The following MCHR2 variants were observed in gnomAD, a reference collection of about 807,000 sequenced individuals.
The protein encoded by MCHR2 is melanin-concentrating hormone receptor 2.
A neutral mutation model predicts 24.8 loss-of-function variants in MCHR2; 15 were observed. That is an observed-to-expected ratio of 0.60 (90% CI 0.40 to 0.93). The LOEUF (loss-of-function observed/expected upper bound fraction) is 0.93, where lower values mean the gene tolerates loss of function less well. Ranked by LOEUF, MCHR2 falls within the 40% of genes least tolerant of loss-of-function variation. MCHR2 has a pLI of 0.00. For missense variants in MCHR2, 386 were observed against 408.7 expected (o/e 0.94, Z 0.48); for synonymous variants, 151 against 147.6 (o/e 1.02, Z -0.17).
rs935020419 is a variant in MCHR2 at position 99,946,248 on chromosome 6, G to A, written c.392+1514C>T. On this transcript the variant is annotated intron_variant, in intron 3 of 5. Transcript: ENST00000281806. ...AGTCACATTGGCTGGCATTAGCTGA[G>A]CTAACCAGAGCTATGCAGTATATTG... is the stretch of plus-strand genomic sequence containing the variant. Among the ~76,000 whole-genome samples, 11 of 152,212 alleles carry A rather than the reference G, an allele frequency of 7.2e-5. 1 individual carries two copies. The East Asian group carries it at 1.9e-3, about 27-fold the overall frequency.
Position 99,920,880 on chromosome 6 carries a change from T to C in MCHR2, c.*60A>G. On this transcript the variant is annotated 3_prime_UTR_variant, in exon 6 of 6. Transcript: ENST00000281806. ...TAAACATATCGGTACACCTGCCCTT[T>C]CTGATAATACCAGTAAGATAGACAA... 1 of 1,529,386 alleles carries C rather than the reference T, an allele frequency of 6.5e-7. No individual in the cohort carries two copies. Among genetic ancestry groups the C allele is most frequent in the Non-Finnish European group, 8.9e-7 (1 of 1,119,474 alleles). The allele number at this position is 1,529,386 out of a possible 1,614,324, so 94.7% of individuals were successfully genotyped here. A position where few individuals can be genotyped will look rare whatever the true frequency, so the allele number is the denominator to read the frequency against.
At chr6:99,922,283 T>A (rs2114481657) in intron 5 of MCHR2, among the ~76,000 whole-genome samples, 1 of 152,176 alleles carries the variant, frequency 6.6e-6, no homozygotes, top group African/African-American at 2.4e-5. Flanking sequence ...ATTTTTTGTA[T>A]TTTTAGTAAG....
chr6:99,928,629 G>A (rs1430893847), intron 5 of MCHR2, among the ~76,000 whole-genome samples: 3 of 152,184 alleles, frequency 2.0e-5, no homozygotes, highest in Non-Finnish European at 4.4e-5. Context: ...TTGCGTAGAG[G>A]TGTTGGTAGT....
In MCHR2 at chr6:99,967,739, T is replaced by C. The variant is rs1349040875; in HGVS notation, c.-27-11565A>G. Among the ~76,000 whole-genome samples the C allele has an allele frequency of 2.0e-5, 3 of 152,136 alleles. No homozygotes were observed. The East Asian group carries it at 5.8e-4, about 29-fold the overall frequency. ...TTACCTGTCAACAATCCCCCCTCCA[T>C]ACACACCTATGGATCCAAGTTTTAT... On this transcript the variant is annotated intron_variant, in intron 1 of 5. Transcript: ENST00000281806.
At chr6:99,984,121 T>C (rs775068091) in intron 1 of MCHR2, among the ~76,000 whole-genome samples, 1 of 152,162 alleles carries the variant, frequency 6.6e-6, no homozygotes, top group Admixed American at 6.5e-5. Flanking sequence ...TCATATTTTG[T>C]CTTCTGTTAT....
At chr6:99,951,626 G>A (rs374479124) in intron 2 of MCHR2, among the ~76,000 whole-genome samples, 24 of 152,222 alleles carry the variant, frequency 1.6e-4, no homozygotes, top group South Asian at 4.1e-4. Flanking sequence ...CTCTGGCATC[G>A]AAAACATATC....
chr6:99,951,103 T>C (rs558976350), intron 2 of MCHR2, among the ~76,000 whole-genome samples: 1 of 152,188 alleles, frequency 6.6e-6, no homozygotes, highest in South Asian at 2.1e-4. Context: ...AACCTCTTTC[T>C]CCCTTTTCCC....
intron 5 of MCHR2, among the ~76,000 whole-genome samples, chr6:99,931,258 C>T (rs1774525848): frequency 6.6e-6 from 1 of 152,204 alleles, no homozygotes; most frequent in South Asian, 2.1e-4. Context: ...TGGGGGGTGC[C>T]TCCCAGTTAG....
chr6:99,987,021 T>A (rs1775782201), intron 1 of MCHR2, among the ~76,000 whole-genome samples: 1 of 152,090 alleles, frequency 6.6e-6, no homozygotes. Context: ...ACAAATTATA[T>A]TTTTAGTTTT....
intron 3 of MCHR2, among the ~76,000 whole-genome samples, chr6:99,945,738 G>A (rs1465529367): frequency 6.6e-6 from 1 of 152,058 alleles, no homozygotes; most frequent in African/African-American, 2.4e-5. Flanking sequence ...AGTTTTATAG[G>A]CTCTTCACTT....
At chr6:99,965,186 A>T (rs1159918213) in intron 1 of MCHR2, among the ~76,000 whole-genome samples, 1 of 152,110 alleles carries the variant, frequency 6.6e-6, no homozygotes, top group Non-Finnish European at 1.5e-5. Flanking sequence ...CCAGTCTAAC[A>T]TCTGACCATA....
intron 1 of MCHR2, among the ~76,000 whole-genome samples, chr6:99,969,718 C>G (rs1775364524): frequency 8.7e-6 from 1 of 115,552 alleles, no homozygotes; most frequent in Admixed American, 9.7e-5. Flanking sequence ...CCCCCTCCCC[C>G]CACCCCACAA....
chr6:99,955,928 T>C, intron 2 of MCHR2, 38 bp downstream of exon 2: 1 of 1,454,436 alleles, frequency 6.9e-7, no homozygotes, highest in South Asian at 1.5e-5. Context: ...TTTCCTAAAG[T>C]ATGGAAGGAA....
At chr6:99,952,737 C>A (rs1176691248) in intron 2 of MCHR2, among the ~76,000 whole-genome samples, 1 of 152,006 alleles carries the variant, frequency 6.6e-6, no homozygotes, top group African/African-American at 2.4e-5. Flanking sequence ...GCTTTCAAAT[C>A]ACTTTTGAAA....
At chr6:99,928,352 A>G (rs186417162) in intron 5 of MCHR2, among the ~76,000 whole-genome samples, 2 of 152,316 alleles carry the variant, frequency 1.3e-5, no homozygotes, top group Admixed American at 6.5e-5. Flanking sequence ...CTGGCCTCAT[A>G]AAATGAGTTA....
chr6:99,986,386 C>T (rs72940333), intron 1 of MCHR2, among the ~76,000 whole-genome samples: 1,882 of 152,234 alleles, frequency 0.012, 56 homozygotes, highest in East Asian at 0.12. Flanking sequence ...TTATCTAATG[C>T]TGTTTACATT....
chr6:99,934,903 G>A (rs889940647), intron 4 of MCHR2, among the ~76,000 whole-genome samples: 3 of 151,982 alleles, frequency 2.0e-5, no homozygotes, highest in African/African-American at 7.2e-5. Context: ...TGAGTATGAT[G>A]CCATTAGTGC....
chr6:99,936,182 G>A (rs1009903222), intron 4 of MCHR2, among the ~76,000 whole-genome samples: 2 of 151,862 alleles, frequency 1.3e-5, no homozygotes, highest in South Asian at 4.1e-4. Context: ...TTTCTTTGCT[G>A]TGCAGAAGCT....
At chr6:99,931,656 A>G (rs1305884980) in intron 5 of MCHR2, among the ~76,000 whole-genome samples, 1 of 152,048 alleles carries the variant, frequency 6.6e-6, no homozygotes, top group East Asian at 1.9e-4. Flanking sequence ...GCAGGATATA[A>G]TCTCCTGGTG....
Sources: allele counts gnomAD v4.1 joint callset (sites outside exome capture counted in the v4.1 genomes callset), GRCh38; gene constraint gnomAD v4.1.1; transcripts MANE v1.5; gene names NCBI Gene and HGNC (gene_info 2026-07-23, HGNC 2026-07-21).